Variants in FRZB observed in about 807,000 individuals in gnomAD.
FRZB encodes secreted frizzled-related protein 3.
FRZB carries 34 observed loss-of-function variants against 32.5 expected under a neutral mutation model. The observed-to-expected ratio is 1.05, with a 90% confidence interval of 0.80 to 1.39. FRZB has a LOEUF of 1.39. FRZB is among the 40% of genes most tolerant of loss of function. The pLI, the probability that FRZB is intolerant of heterozygous loss-of-function variation, is 0.00. For synonymous variants in FRZB, 170 were observed against 159.2 expected, an observed-to-expected ratio of 1.07 and a Z score of -0.51; for missense variants, 423 against 424.8, an observed-to-expected ratio of 1.00 and a Z score of 0.04.
chr2:182,864,774 C>T (rs773668945), intron 1 of FRZB, among the ~76,000 whole-genome samples: 2 of 151,984 alleles, frequency 1.3e-5, no homozygotes, highest in African/African-American at 2.4e-5. Flanking sequence ...TGGGGACATG[C>T]GCCTAGACTG....
At chr2:182,859,702 G>T (rs545100103) in intron 1 of FRZB, among the ~76,000 whole-genome samples, 1 of 152,088 alleles carries the variant, frequency 6.6e-6, no homozygotes, top group South Asian at 2.1e-4. Context: ...TTAAACAAGG[G>T]GTTAATACTA....
At chr2:182,854,754 T>C (rs1695749753) in intron 2 of FRZB, among the ~76,000 whole-genome samples, 1 of 152,192 alleles carries the variant, frequency 6.6e-6, no homozygotes, top group Admixed American at 6.5e-5. Context: ...TCTCTCTCTC[T>C]TTCTCTGTCC....
intron 2 of FRZB, among the ~76,000 whole-genome samples, chr2:182,843,543 T>C (rs1465360072): frequency 6.6e-6 from 1 of 152,230 alleles, no homozygotes; most frequent in East Asian, 1.9e-4. Context: ...AATTAAATGG[T>C]ATGTGCTTCT....
intron 2 of FRZB, 129 bp downstream of exon 2, chr2:182,858,657 A>G: frequency 1.7e-6 from 1 of 605,430 alleles, no homozygotes; most frequent in South Asian, 2.9e-5. Flanking sequence ...AATATAAATG[A>G]GGGAATTTTA....
chr2:182,836,781 C>T (rs1695530268), intron 5 of FRZB, among the ~76,000 whole-genome samples: 1 of 151,938 alleles, frequency 6.6e-6, no homozygotes, highest in Admixed American at 6.6e-5. Context: ...TAATAAACAC[C>T]AAACTAATTG....
chr2:182,847,801 G>C (rs1695662717), intron 2 of FRZB, among the ~76,000 whole-genome samples: 1 of 152,118 alleles, frequency 6.6e-6, no homozygotes, highest in Non-Finnish European at 1.5e-5. Context: ...CCTTATAGTG[G>C]GTAAGAATGC....
Position 182,839,913 on chromosome 2 carries a change from T to C in FRZB, c.593-1300A>G, listed in dbSNP as rs532075505. ...CACATATTTTAGAGATTTTGGACTA[T>C]AAAGGATTAGAAGAAAGTAATCCTT... On this transcript the variant is annotated intron_variant, in intron 3 of 5. Transcript: ENST00000295113. Among the ~76,000 whole-genome samples, 194 of 152,194 alleles carry C rather than the reference T, an allele frequency of 1.3e-3. 1 individual carries two copies. Among genetic ancestry groups the C allele is most frequent in the African/African-American group, 4.4e-3 (183 of 41,556 alleles).
At chr2:182,842,612 A>T (rs1695598545) in intron 2 of FRZB, 69 bp from the exon 3 acceptor site, 2 of 1,297,176 alleles carry the variant, frequency 1.5e-6, no homozygotes, top group Non-Finnish European at 2.2e-6. Context: ...TCAGACTCAC[A>T]TTTTTTGCTC....
chr2:182,834,688 C>A lies in FRZB; in HGVS notation c.*161G>T. 1 of 636,614 alleles carries A rather than the reference C, an allele frequency of 1.6e-6. No individual in the cohort carries two copies. The highest frequency in any genetic ancestry group is 1.9e-5 in the South Asian group (1 of 52,642). 39.4% of individuals were successfully genotyped at this position (636,614 alleles called of 1,614,324 possible). A position where few individuals can be genotyped will look rare whatever the true frequency, so the allele number is the denominator to read the frequency against. ...CAAAGGGGTTGAGAGAAGAGAGAAG[C>A]AGAAACCAAAAGAGAAACAGAAGTA... On this transcript the variant is annotated 3_prime_UTR_variant, in exon 6 of 6. Transcript: ENST00000295113.
At chr2:182,838,378 A>G in intron 4 of FRZB, 31 bp downstream of exon 4, 1 of 1,533,596 alleles carries the variant, frequency 6.5e-7, no homozygotes, top group Non-Finnish European at 9.0e-7. Context: ...TAAGCAAAGT[A>G]GTTATTCTGT....
At chr2:182,853,734 C>G (rs551673646) in intron 2 of FRZB, among the ~76,000 whole-genome samples, 15 of 152,106 alleles carry the variant, frequency 9.9e-5, no homozygotes, top group African/African-American at 3.1e-4. Context: ...TTATTTACAA[C>G]TTAATAAAAT....
chr2:182,864,359 G>C (rs757110198), intron 1 of FRZB, among the ~76,000 whole-genome samples: 6 of 152,196 alleles, frequency 3.9e-5, no homozygotes, highest in Non-Finnish European at 7.3e-5. Flanking sequence ...CCCTTGGCCT[G>C]AGAGGAGCAC....
At chr2:182,859,543 T>C (rs943848544) in intron 1 of FRZB, among the ~76,000 whole-genome samples, 5 of 152,182 alleles carry the variant, frequency 3.3e-5, no homozygotes, top group Non-Finnish European at 7.4e-5. Flanking sequence ...CAATATATCC[T>C]TATTGACACT....
chr2:182,865,732 C>G (rs937163501), intron 1 of FRZB, among the ~76,000 whole-genome samples: 2 of 152,166 alleles, frequency 1.3e-5, no homozygotes, highest in South Asian at 2.1e-4. Flanking sequence ...AAGAGCATCA[C>G]TTTACAAAAT....
intron 1 of FRZB, among the ~76,000 whole-genome samples, chr2:182,859,873 C>G (rs142894157): frequency 6.7e-4 from 102 of 152,300 alleles, no homozygotes; most frequent in African/African-American, 2.3e-3. Flanking sequence ...TTTGGCTCAA[C>G]TTGGGCATAA....
At chr2:182,858,022 A>G (rs1403456196) in intron 2 of FRZB, among the ~76,000 whole-genome samples, 1 of 152,230 alleles carries the variant, frequency 6.6e-6, no homozygotes, top group Non-Finnish European at 1.5e-5. Flanking sequence ...GCTCGCAAAG[A>G]TATAGAACAA....
chr2:182,856,106 G>A (rs567121354), intron 2 of FRZB, among the ~76,000 whole-genome samples: 13 of 151,972 alleles, frequency 8.6e-5, no homozygotes, highest in South Asian at 2.1e-4. Flanking sequence ...GTTTTTGCCA[G>A]CAGAACTGCT....
At chr2:182,855,760 C>A (rs976468386) in intron 2 of FRZB, among the ~76,000 whole-genome samples, 3 of 152,012 alleles carry the variant, frequency 2.0e-5, no homozygotes, top group Non-Finnish European at 2.9e-5. Context: ...TCAAATTTGG[C>A]TAACATTATA....
chr2:182,849,779 T>C (rs1209363578), intron 2 of FRZB, among the ~76,000 whole-genome samples: 3 of 152,252 alleles, frequency 2.0e-5, no homozygotes, highest in Non-Finnish European at 4.4e-5. Context: ...TATTCCTTTT[T>C]GTCTTTGGAA....
Sources: allele counts gnomAD v4.1 joint callset (sites outside exome capture counted in the v4.1 genomes callset), GRCh38; gene constraint gnomAD v4.1.1; transcripts MANE v1.5; gene names NCBI Gene and HGNC (gene_info 2026-07-23, HGNC 2026-07-21).